SLC22A31: variants seen among roughly 807,000 people sequenced by gnomAD.
The protein encoded by SLC22A31 is putative solute carrier family 22 member 31.
In SLC22A31, 42 loss-of-function variants were observed where a neutral mutation model predicts 27.4. The ratio of observed to expected loss-of-function variants is 1.53; its 90% CI spans 1.20 to 1.98. The LOEUF is 1.98. SLC22A31 is among the 30% of genes most tolerant of loss of function. The probability of loss-of-function intolerance (pLI) is 0.00; values close to 1 mark genes in which losing one functional copy is unlikely to be tolerated. For synonymous variants in SLC22A31, 290 were observed against 230.8 expected (o/e 1.26, Z -2.33); for missense variants, 593 against 479.9 (o/e 1.24, Z -2.20).
At position 89,196,200 on chromosome 16, in the gene SLC22A31, G is replaced by A. The variant is rs1208830461; in HGVS notation, c.1140C>T (p.Val380=). ...GGGCAAGGACAGCAAGGGAGGCGAA[G>A]ACGACTTGTTGCAGGAAGAAGCCCT... is the stretch of plus-strand genomic sequence containing the variant. ...GRQGFFLQQV[V]FASLAVLALL... Residue 380 remains valine, a synonymous_variant, in exon 9 of 9, where the codon GTC becomes GTT. Coordinates refer to ENST00000682282, the MANE Select transcript of SLC22A31 (RefSeq NM_001384763.1). 6.5e-7 allele frequency: 1 copy of A among 1,535,120 alleles called. No homozygotes were observed. The highest frequency in any genetic ancestry group is 1.2e-5 in the South Asian group (1 of 84,056).
intron 2 of SLC22A31, 45 bp from the exon 3 acceptor site, chr16:89,199,612 C>A: frequency 2.4e-6 from 1 of 417,416 alleles, no homozygotes; most frequent in Non-Finnish European, 4.3e-6. Flanking sequence ...CAGGATAACC[C>A]AGGGTCCAAC....
upstream of SLC22A31, among the ~76,000 whole-genome samples, chr16:89,200,853 A>G (rs940591756): frequency 6.6e-6 from 1 of 152,202 alleles, no homozygotes; most frequent in Non-Finnish European, 1.5e-5. Context: ...TGGGAAGCCC[A>G]CCTTCCCCAG....
chr16:89,198,668 C>G lies in SLC22A31; in HGVS notation c.582G>C (p.Glu194Asp). The change falls in exon 5 of 9, where the codon GAG becomes GAC. Residue 194 changes from glutamate to aspartate, a missense_variant. Glu to Asp is a conservative substitution (Grantham distance 45). Coordinates refer to ENST00000682282, the MANE Select transcript of SLC22A31 (RefSeq NM_001384763.1). ...GCGCCTGACCTGTAGCCAGGGAGTT[C>G]TCCTCCAAGGAACTGTCCCCGGGGC... ...GVGPGDSSLE[E>D]NSLATELTML... The G allele has an allele frequency of 1.3e-6, 2 of 1,535,606 alleles. No homozygotes were observed. The highest frequency in any genetic ancestry group is 1.7e-6 in the Non-Finnish European group (2 of 1,146,660).
rs1915909493 is a variant in SLC22A31, at chr16:89,196,315, AGAGTGTGTTGGGGG to A, written c.1035-24_1035-11del. The A allele has an allele frequency of 2.5e-6, 3 of 1,221,118 alleles. No homozygotes were observed. The highest frequency in any genetic ancestry group is 3.3e-6 in the Non-Finnish European group (3 of 901,036). 75.6% of individuals were successfully genotyped at this position (1,221,118 alleles called of 1,614,324 possible). ...GCCCAGCCCGGCCCCCCTGTGGGACAGAGTGTGTTGGGGGCAGCCAGCCTCCTGGCCCAGGAACC... is the reference window on the plus strand; with the variant it reads ...GCCCAGCCCGGCCCCCCTGTGGGACACAGCCAGCCTCCTGGCCCAGGAACC... On this transcript the variant is annotated splice_polypyrimidine_tract_variant and intron_variant, in intron 8 of 8. Transcript: ENST00000682282.
In SLC22A31 at chr16:89,198,720, C is replaced by T; in HGVS notation, c.530G>A (p.Trp177Ter). 3.3e-6 allele frequency: 5 copies of T among 1,535,790 alleles called. No individual in the cohort carries two copies. The highest frequency in any genetic ancestry group is 4.4e-6 in the Non-Finnish European group (5 of 1,146,792). ...GQVARARKIL[W>*]RFAEASGVGP... ...CACGCCACTGGCTTCTGCAAAGCGC[C>T]ACAGGATCTTCCTGGCTCGAGCTAC... The change falls in exon 5 of 9, where the codon TGG (tryptophan) becomes TAG (stop). Residue 177 changes from tryptophan to a stop codon, truncating the protein, a stop_gained. Coordinates refer to ENST00000682282, the MANE Select transcript of SLC22A31 (RefSeq NM_001384763.1). LOFTEE classifies it high-confidence loss of function.
chr16:89,195,995 A>G lies in SLC22A31; in HGVS notation c.*4T>C, dbSNP rs907589786. On this transcript the variant is annotated 3_prime_UTR_variant, in exon 9 of 9. Coordinates refer to ENST00000682282, the MANE Select transcript of SLC22A31 (RefSeq NM_001384763.1). ...ATCCTGGCTCCCAGGGCCACCAGGC[A>G]GGACTAGTGCTGCTCGGGGGTGTGG... The G allele has an allele frequency of 6.7e-7, 1 of 1,484,136 alleles. No individual in the cohort carries two copies. The highest frequency in any genetic ancestry group is 1.4e-5 in the African/African-American group (1 of 71,594). 91.9% of individuals were successfully genotyped at this position (1,484,136 alleles called of 1,614,324 possible).
intron 7 of SLC22A31, among the ~76,000 whole-genome samples, chr16:89,197,620 C>A (rs1012910681): frequency 2.0e-5 from 3 of 152,186 alleles, no homozygotes; most frequent in Admixed American, 1.3e-4. Flanking sequence ...GAATCCTGAC[C>A]CCGAGCCGCA....
Position 89,199,573 on chromosome 16 carries a change from G to C in SLC22A31, c.129-6C>G. Reference sequence around the variant, plus strand: ...AAACTGCCCGGCGTCCAAACCTGGTGGGCAGCGGGGGACATGCTTGGACAG... The same window carrying C: ...AAACTGCCCGGCGTCCAAACCTGGTCGGCAGCGGGGGACATGCTTGGACAG... On this transcript the variant is annotated splice_region_variant and splice_polypyrimidine_tract_variant and intron_variant, in intron 2 of 8. Transcript: ENST00000682282. 2.3e-6 allele frequency: 1 copy of C among 440,594 alleles called. No individual in the cohort carries two copies. The allele number at this position is 440,594 out of a possible 1,614,324, so 27.3% of individuals were successfully genotyped here. A position where few individuals can be genotyped will look rare whatever the true frequency, so the allele number is the denominator to read the frequency against.
chr16:89,196,480 GTGCGTTGGGGGCAGC>G (rs1915936157), intron 8 of SLC22A31, 175 bp from the exon 9 acceptor site: 1 of 1,229,304 alleles, frequency 8.1e-7, no homozygotes, highest in African/African-American at 1.5e-5. Context: ...GTGGGAGAGA[GTGCGTTGGGGGCAGC>G]TGGTGGGGCA....
rs1002476310 is a variant in SLC22A31 at position 89,199,297 on chromosome 16, C to G, written c.284-106G>C. The G allele has an allele frequency of 1.2e-5, 14 of 1,160,472 alleles. No individual in the cohort carries two copies. The African/African-American group carries it at 1.2e-4, about 10-fold the overall frequency. The allele number at this position is 1,160,472 out of a possible 1,614,324, so 71.9% of individuals were successfully genotyped here. A position where few individuals can be genotyped will look rare whatever the true frequency, so the allele number is the denominator to read the frequency against. Reference sequence around the variant, plus strand: ...GTGACCTGCCCAGGAGCGGGATGCCCAAGGGACTCACTGCTCACTGTCCCT... The same window carrying G: ...GTGACCTGCCCAGGAGCGGGATGCCGAAGGGACTCACTGCTCACTGTCCCT... On this transcript the variant is annotated intron_variant, in intron 3 of 8. Transcript: ENST00000682282.
rs568876519 is a variant in SLC22A31 at position 89,198,649 on chromosome 16, G to A, written c.598+3C>T. ...TCTCCCTCCTCCCTGGTAGGCGCCT[G>A]ACCTGTAGCCAGGGAGTTCTCCTCC... On this transcript the variant is annotated splice_donor_region_variant and intron_variant, in intron 5 of 8. Transcript: ENST00000682282. 3 of 1,535,098 alleles carry A rather than the reference G, an allele frequency of 2.0e-6. No individual in the cohort carries two copies. The highest frequency in any genetic ancestry group is 2.6e-6 in the Non-Finnish European group (3 of 1,146,250).
chr16:89,199,982 G>T, intron 1 of SLC22A31, 166 bp from the exon 2 acceptor site: 1 of 397,680 alleles, frequency 2.5e-6, no homozygotes, highest in Non-Finnish European at 4.4e-6. Context: ...CTTGGTCCAG[G>T]TCACACAGCA....
Position 89,196,957 on chromosome 16 carries a change from A to G in SLC22A31, c.1034+341T>C, listed in dbSNP as rs200181935. Among the ~76,000 whole-genome samples, 132 of 151,486 alleles carry G rather than the reference A, an allele frequency of 8.7e-4. 4 individuals carry two copies. Among genetic ancestry groups the G allele is most frequent in the African/African-American group, 2.5e-3 (103 of 41,314 alleles). The stretch of plus-strand genomic sequence containing the variant: ...GAGACTCCATCTCAAAAAAAAAAAA[A>G]AAGAAGAAGAAGAAGATCGAAAAGT... On this transcript the variant is annotated intron_variant, in intron 8 of 8. Coordinates refer to ENST00000682282, the MANE Select transcript of SLC22A31 (RefSeq NM_001384763.1).
At chr16:89,199,265 C>G in intron 3 of SLC22A31, 74 bp from the exon 4 acceptor site, 1 of 1,400,256 alleles carries the variant, frequency 7.1e-7, no homozygotes, top group East Asian at 2.5e-5. Flanking sequence ...ACTGCGGGGA[C>G]CTATTGGTGA....
Position 89,196,461 on chromosome 16 carries a change from G to A in SLC22A31, c.1035-156C>T, listed in dbSNP as rs576374095. 5.0e-5 allele frequency: 68 copies of A among 1,349,094 alleles called. No individual in the cohort carries two copies. In the East Asian group the frequency reaches 1.5e-3, roughly 30 times the overall value. 83.6% of individuals were successfully genotyped at this position (1,349,094 alleles called of 1,614,324 possible). On this transcript the variant is annotated intron_variant, in intron 8 of 8. Transcript: ENST00000682282. The stretch of plus-strand genomic sequence containing the variant: ...CGGCCCCCAGCACCAGGCCCAGGCC[G>A]GCCCCTCTGTGGGAGAGAGTGCGTT...
intron 1 of SLC22A31, chr16:89,200,244 A>G (rs1916435315): frequency 6.3e-6 from 1 of 158,276 alleles, no homozygotes; most frequent in South Asian, 2.0e-4. Context: ...CAGGCCTAAG[A>G]AATGAACCCC....
In SLC22A31 at chr16:89,198,235, G is replaced by A; in HGVS notation, c.809C>T (p.Ala270Val). The A allele has an allele frequency of 3.3e-6, 5 of 1,535,908 alleles. No homozygotes were observed. The highest frequency in any genetic ancestry group is 4.4e-6 in the Non-Finnish European group (5 of 1,146,878). ...PYFLEAGLEAAALVFLLLTAD... is the reference protein window; with the variant it reads ...PYFLEAGLEAVALVFLLLTAD... ...CGTCAGGAGCAGGAAGACCAAGGCT[G>A]CCGCCTCCAGGCCGGCCTCCAGGAA... is the stretch of plus-strand genomic sequence containing the variant. The change falls in exon 7 of 9, where the codon GCA (alanine) becomes GTA (valine). Residue 270 changes from alanine (A) to valine (V), a missense_variant. By Grantham distance (64) the Ala-to-Val change is moderately conservative. Transcript: ENST00000682282.
chr16:89,198,920 C>T (rs1916265794), intron 4 of SLC22A31, 103 bp downstream of exon 4: 1 of 1,489,766 alleles, frequency 6.7e-7, no homozygotes, highest in Non-Finnish European at 8.9e-7. Flanking sequence ...TCTCTGTGAC[C>T]CTGTAACCCA....
At chr16:89,199,281 C>G in intron 3 of SLC22A31, 90 bp from the exon 4 acceptor site, 1 of 1,316,050 alleles carries the variant, frequency 7.6e-7, no homozygotes, top group South Asian at 1.5e-5. Context: ...GGTGACCTGC[C>G]CAGGAGCGGG....
Sources: gnomAD v4.1 joint callset for allele counts (sites outside exome capture counted in the v4.1 genomes callset) on GRCh38, gnomAD v4.1.1 for gene constraint, MANE v1.5 for transcripts, NCBI Gene and HGNC (gene_info 2026-07-23, HGNC 2026-07-21) for gene names.